Variants in PCDH1 observed in about 807,000 individuals in gnomAD.
The protein encoded by PCDH1 is protocadherin 1, also known as protocadherin-1.
Under a neutral mutation model 74.6 loss-of-function variants are expected in PCDH1, and 23 were observed. The observed-to-expected ratio is 0.31, with a 90% CI of 0.22 to 0.44. The LOEUF (loss-of-function observed/expected upper bound fraction) is 0.44, where lower values mean the gene tolerates loss of function less well. Ranked by LOEUF, PCDH1 falls within the 20% of genes least tolerant of loss-of-function variation. The pLI, the probability that PCDH1 is intolerant of heterozygous loss-of-function variation, is 1.00. For missense variants in PCDH1, 1,214 were observed against 1,641.4 expected (o/e 0.74, Z 4.50); for synonymous variants, 647 against 686.1 (o/e 0.94, Z 0.89).
At chr5:141,857,914 G>A (rs183519501) in intron 3 of PCDH1, among the ~76,000 whole-genome samples, 7 of 152,166 alleles carry the variant, frequency 4.6e-5, no homozygotes, top group African/African-American at 7.2e-5. Context: ...CCTAATTCCA[G>A]CTCAGCCTCT....
chr5:141,869,862 C>T lies in PCDH1; in HGVS notation c.41-431G>A. 2.1e-6 allele frequency: 2 copies of T among 950,970 alleles called. No individual in the cohort carries two copies. The highest frequency in any genetic ancestry group is 2.5e-6 in the Non-Finnish European group (2 of 798,504). 58.9% of individuals were successfully genotyped at this position (950,970 alleles called of 1,614,324 possible). A position where few individuals can be genotyped will look rare whatever the true frequency, so the allele number is the denominator to read the frequency against. ...TGATACTGAGATAGGGAGAGAGAGCCAGTGGAAGGGTGAGACCTCGAGCAT... is the reference window on the plus strand; with the variant it reads ...TGATACTGAGATAGGGAGAGAGAGCTAGTGGAAGGGTGAGACCTCGAGCAT... On this transcript the variant is annotated intron_variant, in intron 1 of 4. Transcript: ENST00000287008. This position sits in a 1 kb window ranked among gnomAD's most constrained non-coding sequence, Gnocchi z 4.9.
At position 141,863,923 on chromosome 5, in the gene PCDH1, T is replaced by C. The variant is rs952644338; in HGVS notation, c.2408A>G (p.Tyr803Cys). The stretch of plus-strand genomic sequence containing the variant: ...ATAAAGATGGACCAAGGCTGTGCCA[T>C]AGCGTGGGGGCTTGCCGCGGTCACT... ...KVSDRGKPPR[Y>C]GTALVHLYVN... Residue 803 changes from tyrosine (Y) to cysteine (C), a missense_variant, in exon 3 of 5, where the codon TAT (tyrosine) becomes TGT (cysteine). Transcript: ENST00000287008. The surrounding 1 kb of genome is among the most constrained non-coding windows in gnomAD (Gnocchi z 7.5). 3.1e-6 allele frequency: 5 copies of C among 1,614,062 alleles called. No homozygotes were observed. The highest frequency in any genetic ancestry group is 3.3e-5 in the Admixed American group (2 of 60,012).
chr5:141,874,793 G>A (rs1459563411), intron 1 of PCDH1, among the ~76,000 whole-genome samples: 1 of 152,094 alleles, frequency 6.6e-6, no homozygotes, highest in African/African-American at 2.4e-5. Context: ...GTTACACAAC[G>A]GTCACTGCCG....
chr5:141,863,304 G>C lies in PCDH1; in HGVS notation c.3027C>G (p.Thr1009=). 6.4e-7 allele frequency: 1 copy of C among 1,564,782 alleles called. No individual in the cohort carries two copies. Among genetic ancestry groups the C allele is most frequent in the Non-Finnish European group, 8.7e-7 (1 of 1,154,442 alleles). The change falls in exon 3 of 5, where the codon ACC becomes ACG. Residue 1009 remains threonine, a synonymous_variant. Coordinates refer to ENST00000287008, the MANE Select transcript of PCDH1 (RefSeq NM_032420.5). The surrounding 1 kb of genome is among the most constrained non-coding windows in gnomAD (Gnocchi z 7.5). The stretch of plus-strand genomic sequence containing the variant: ...AGTACTGCTCAGAGCCCGTGGACGT[G>C]GTGTCCCCGGTGCCCACGAATGTGT... ...PANTFVGTGD[T]TSTGSEQYSD... is the part of the protein sequence containing the mutation.
Position 141,869,161 on chromosome 5 carries a change from T to C in PCDH1, c.311A>G (p.Lys104Arg). The change falls in exon 2 of 5, where the codon AAG (lysine) becomes AGG (arginine). Residue 104 changes from lysine (K) to arginine (R), a missense_variant. Lys to Arg is a conservative substitution (Grantham distance 26). Coordinates refer to ENST00000287008, the MANE Select transcript of PCDH1 (RefSeq NM_032420.5). This position sits in a 1 kb window ranked among gnomAD's most constrained non-coding sequence, Gnocchi z 4.9. ...VGAPYLRVDG[K>R]TGDIFTTETS... ...CTCGGTGGTGAAAATGTCACCTGTCTTGCCATCCACGCGAAGGTACGGGGC... is the reference window on the plus strand; with the variant it reads ...CTCGGTGGTGAAAATGTCACCTGTCCTGCCATCCACGCGAAGGTACGGGGC... 1 of 1,609,744 alleles carries C rather than the reference T, an allele frequency of 6.2e-7. No individual in the cohort carries two copies. Among genetic ancestry groups the C allele is most frequent in the South Asian group, 1.1e-5 (1 of 90,806 alleles).
Position 141,878,317 on chromosome 5 carries a change from T to G in PCDH1, c.-55A>C. 1 of 1,181,178 alleles carries G rather than the reference T, an allele frequency of 8.5e-7. No homozygotes were observed. The highest frequency in any genetic ancestry group is 3.7e-5 in the East Asian group (1 of 27,380). The allele number at this position is 1,181,178 out of a possible 1,614,324, so 73.2% of individuals were successfully genotyped here. On this transcript the variant is annotated 5_prime_UTR_variant, in exon 1 of 5. Transcript: ENST00000287008. This position sits in a 1 kb window ranked among gnomAD's most constrained non-coding sequence, Gnocchi z 5.5. ...GGCTCCGCACGGCTGGGGCTGGAGC[T>G]GCAGTTCGGGCTCCGGCTCCGGCTC...
chr5:141,864,106 T>G lies in PCDH1; in HGVS notation c.2225A>C (p.Glu742Ala). 1 of 1,610,472 alleles carries G rather than the reference T, an allele frequency of 6.2e-7. No individual in the cohort carries two copies. Among genetic ancestry groups the G allele is most frequent in the Non-Finnish European group, 8.5e-7 (1 of 1,177,076 alleles). Residue 742 changes from glutamate (E) to alanine (A), a missense_variant, in exon 3 of 5, where the codon GAG (glutamate) becomes GCG (alanine). This residue lies in a region of PCDH1 where 836 missense variants were observed against 1,182.2 expected (regional missense o/e 0.71). Coordinates refer to ENST00000287008, the MANE Select transcript of PCDH1 (RefSeq NM_032420.5). This position sits in a 1 kb window ranked among gnomAD's most constrained non-coding sequence, Gnocchi z 5.9. Reference protein sequence around the residue: ...LGETVSQVAAEDFDSGVNAEL... With the variant: ...LGETVSQVAAADFDSGVNAEL... The stretch of plus-strand genomic sequence containing the variant: ...AGCATTGACACCAGAGTCAAAGTCC[T>G]CGGCTGCCACCTGGCTGACCGTCTC...
intron 1 of PCDH1, among the ~76,000 whole-genome samples, chr5:141,875,886 C>T (rs1417770711): frequency 6.6e-6 from 1 of 152,114 alleles, no homozygotes; most frequent in African/African-American, 2.4e-5. Context: ...CCTACTCCCG[C>T]GCCCCCCACC....
rs1424987280 is a variant in PCDH1, at chr5:141,869,737, C to T, written c.41-306G>A. On this transcript the variant is annotated intron_variant, in intron 1 of 4. Transcript: ENST00000287008. The surrounding 1 kb of genome is among the most constrained non-coding windows in gnomAD (Gnocchi z 4.9). ...CTCCCTGGGCCCAAGCCCGGCTGCC[C>T]GCCCTCTTTCCTTCTTTTCCTCCTT... is the stretch of plus-strand genomic sequence containing the variant. The T allele has an allele frequency of 5.5e-6, 8 of 1,448,090 alleles. No homozygotes were observed. The highest frequency in any genetic ancestry group is 4.1e-5 in the South Asian group (3 of 73,612). The allele number at this position is 1,448,090 out of a possible 1,614,324, so 89.7% of individuals were successfully genotyped here.
intron 2 of PCDH1, chr5:141,866,050 G>A: frequency 1.0e-6 from 1 of 986,262 alleles, no homozygotes. Flanking sequence ...ATGTGTGTTT[G>A]CACACATGAG....
intron 3 of PCDH1, among the ~76,000 whole-genome samples, chr5:141,861,999 G>A (rs181641254): frequency 2.0e-5 from 3 of 152,060 alleles, no homozygotes; most frequent in South Asian, 2.1e-4. Context: ...GAGTGGGGGT[G>A]CAGGGCAGGT....
In PCDH1 at chr5:141,854,015, A is replaced by G. The variant is rs1596541848; in HGVS notation, c.*27T>C. 3.4e-6 allele frequency: 5 copies of G among 1,465,674 alleles called. No individual in the cohort carries two copies. The highest frequency in any genetic ancestry group is 9.1e-7 in the Non-Finnish European group (1 of 1,104,872). The allele number at this position is 1,465,674 out of a possible 1,614,324, so 90.8% of individuals were successfully genotyped here. A position where few individuals can be genotyped will look rare whatever the true frequency, so the allele number is the denominator to read the frequency against. On this transcript the variant is annotated 3_prime_UTR_variant, in exon 5 of 5. Transcript: ENST00000287008. The stretch of plus-strand genomic sequence containing the variant: ...TTGGGAGCTGGCCGGCGGCTGGGGG[A>G]GGGGGGCCGGCCGGCCAGTAGGGGG...
intron 4 of PCDH1, among the ~76,000 whole-genome samples, chr5:141,854,816 C>T (rs1322369746): frequency 5.3e-5 from 8 of 151,972 alleles, no homozygotes; most frequent in African/African-American, 7.3e-5. Flanking sequence ...GGATTACAGG[C>T]GCCCACCACC....
intron 1 of PCDH1, among the ~76,000 whole-genome samples, chr5:141,874,982 T>C (rs1246836907): frequency 6.6e-6 from 1 of 152,150 alleles, no homozygotes; most frequent in African/African-American, 2.4e-5. Flanking sequence ...GGCACCTGCA[T>C]GTCAGATCGT....
At chr5:141,872,152 C>T (rs1040440185) in intron 1 of PCDH1, among the ~76,000 whole-genome samples, 2 of 131,052 alleles carry the variant, frequency 1.5e-5, no homozygotes, top group Admixed American at 1.8e-4. Context: ...CCTGCATGGA[C>T]CTGGCACAAG....
Position 141,853,966 on chromosome 5 carries a change from G to C in PCDH1, c.*76C>G. The C allele has an allele frequency of 7.6e-7, 1 of 1,309,146 alleles. No individual in the cohort carries two copies. The highest frequency in any genetic ancestry group is 1.0e-6 in the Non-Finnish European group (1 of 974,688). The allele number at this position is 1,309,146 out of a possible 1,614,324, so 81.1% of individuals were successfully genotyped here. ...AGGAAGTCCACGCTGAAGGGGTGGA[G>C]AGTGAGGCCCTGGAATGGGCCATTT... On this transcript the variant is annotated 3_prime_UTR_variant, in exon 5 of 5. Coordinates refer to ENST00000287008, the MANE Select transcript of PCDH1 (RefSeq NM_032420.5).
At chr5:141,854,459 A>C in intron 4 of PCDH1, 23 bp from the exon 5 acceptor site, 1 of 1,576,012 alleles carries the variant, frequency 6.3e-7, no homozygotes, top group Non-Finnish European at 8.6e-7. Flanking sequence ...GCGGGGAAGG[A>C]CAATTGTCAG....
chr5:141,863,198 G>A lies in PCDH1; in HGVS notation c.3099+34C>T, dbSNP rs1266523700. The A allele has an allele frequency of 2.6e-6, 4 of 1,550,392 alleles. No homozygotes were observed. The East Asian group carries it at 9.0e-5, about 35-fold the overall frequency. ...GCTCCGTGGTAGGGGTGGGGTAGGG[G>A]CTGGGGTGTGCTGAGCTGAAAGGGC... On this transcript the variant is annotated intron_variant, in intron 3 of 4. Coordinates refer to ENST00000287008, the MANE Select transcript of PCDH1 (RefSeq NM_032420.5). This position sits in a 1 kb window ranked among gnomAD's most constrained non-coding sequence, Gnocchi z 7.5.
At chr5:141,856,254 C>A in intron 4 of PCDH1, 1 of 1,535,600 alleles carries the variant, frequency 6.5e-7, no homozygotes, top group Non-Finnish European at 8.7e-7. Flanking sequence ...CTGCTCCGGC[C>A]AGCCGGCTCT....
Sources: allele counts gnomAD v4.1 joint callset (sites outside exome capture counted in the v4.1 genomes callset), GRCh38; gene constraint gnomAD v4.1.1; regional missense constraint gnomAD v4.1.1; non-coding constraint Gnocchi (gnomAD v3.1); transcripts MANE v1.5; gene names NCBI Gene and HGNC (gene_info 2026-07-23, HGNC 2026-07-21).